The following FHIT variants were observed in gnomAD, a reference collection of about 807,000 sequenced individuals.
FHIT encodes the protein fragile histidine triad diadenosine triphosphatase.
FHIT carries 19 observed loss-of-function variants against 17.9 expected under a neutral mutation model. The ratio of observed to expected loss-of-function variants is 1.06; its 90% CI spans 0.74 to 1.56. The LOEUF (loss-of-function observed/expected upper bound fraction) is 1.56. Ranked by LOEUF, FHIT falls within the 40% of genes most tolerant of loss-of-function variation. The pLI is 0.00. For missense variants in FHIT, 248 were observed against 189.2 expected (o/e 1.31, Z -1.82); for synonymous variants, 81 against 69.7 (o/e 1.16, Z -0.81).
chr3:59,935,356 T>C (rs1464198201), intron 7 of FHIT, among the ~76,000 whole-genome samples: 1 of 151,984 alleles, frequency 6.6e-6, no homozygotes, highest in East Asian at 1.9e-4. Context: ...CCATGTGGAG[T>C]TCCTTTCTCT....
chr3:60,572,042 A>G (rs954688565), intron 4 of FHIT, among the ~76,000 whole-genome samples: 17 of 150,378 alleles, frequency 1.1e-4, no homozygotes, highest in African/African-American at 4.2e-4. Context: ...TTTGGGGGGG[A>G]AGATTTAACA....
intron 2 of FHIT, among the ~76,000 whole-genome samples, chr3:61,094,229 G>T (rs2035570945): frequency 1.3e-5 from 2 of 152,094 alleles, no homozygotes; most frequent in Admixed American, 6.6e-5. Flanking sequence ...TAATAACCAG[G>T]ATGCAGTAGA....
At chr3:61,244,223 C>CT (rs1437118890) in intron 1 of FHIT, 1 of 152,188 alleles carries the variant, frequency 6.6e-6, no homozygotes, top group Non-Finnish European at 1.5e-5. Context: ...CCTCCCCACT[C>CT]TTTCGGTTAT....
chr3:60,353,454 G>T (rs144197298), intron 5 of FHIT, among the ~76,000 whole-genome samples: 2 of 151,984 alleles, frequency 1.3e-5, no homozygotes, highest in East Asian at 3.9e-4. Context: ...CTTCCCTCAG[G>T]GCACACAGAA....
intron 4 of FHIT, among the ~76,000 whole-genome samples, chr3:60,699,738 G>C (rs189894991): frequency 6.8e-6 from 1 of 147,804 alleles, no homozygotes; most frequent in African/African-American, 2.5e-5. Context: ...AACACCATTA[G>C]GATTTAAGAT....
At chr3:59,807,250 C>A (rs1006905801) in intron 8 of FHIT, among the ~76,000 whole-genome samples, 3 of 152,112 alleles carry the variant, frequency 2.0e-5, no homozygotes, top group African/African-American at 7.2e-5. Context: ...CATCTGGAGC[C>A]CCAAATCCAA....
chr3:60,108,591 G>C (rs1218177730), intron 5 of FHIT, among the ~76,000 whole-genome samples: 3 of 151,964 alleles, frequency 2.0e-5, no homozygotes, highest in Non-Finnish European at 4.4e-5. Flanking sequence ...GGGACTCCTA[G>C]CTCGACAGAT....
chr3:59,940,667 T>C (rs953094444), intron 7 of FHIT, among the ~76,000 whole-genome samples: 40 of 152,312 alleles, frequency 2.6e-4, no homozygotes, highest in African/African-American at 8.9e-4. Flanking sequence ...CAACTTTCAT[T>C]TCCTGTGTGA....
chr3:59,750,803 C>G, intron 9 of FHIT: 1 of 210,182 alleles, frequency 4.8e-6, no homozygotes, highest in Non-Finnish European at 9.7e-6. Context: ...TAAAGACTTA[C>G]TTACATTTCA....
intron 1 of FHIT, among the ~76,000 whole-genome samples, chr3:61,233,861 A>C (rs961846536): frequency 1.3e-5 from 2 of 152,182 alleles, no homozygotes; most frequent in Non-Finnish European, 2.9e-5. Context: ...AAGGCCAAGA[A>C]CTGCAAGATA....
chr3:60,318,839 T>A (rs951027934), intron 5 of FHIT, among the ~76,000 whole-genome samples: 1 of 152,332 alleles, frequency 6.6e-6, no homozygotes, highest in African/African-American at 2.4e-5. Context: ...TGAGCTAAAG[T>A]CAAGTTGTTG....
intron 5 of FHIT, among the ~76,000 whole-genome samples, chr3:60,489,854 C>T (rs758989694): frequency 3.9e-5 from 6 of 152,066 alleles, no homozygotes; most frequent in Non-Finnish European, 8.8e-5. Context: ...ATGAAGAAAT[C>T]CTTCAAGTTT....
chr3:60,741,587 G>T (rs1377314155), intron 4 of FHIT, among the ~76,000 whole-genome samples: 1 of 152,170 alleles, frequency 6.6e-6, no homozygotes, highest in Non-Finnish European at 1.5e-5. Flanking sequence ...ATCTGCCCAG[G>T]CATATTGACT....
intron 7 of FHIT, among the ~76,000 whole-genome samples, chr3:59,931,777 T>C (rs1410441603): frequency 6.6e-6 from 1 of 152,162 alleles, no homozygotes. Flanking sequence ...CATACATCAC[T>C]GGTGGTGCTC....
At position 59,946,323 on chromosome 3, in the gene FHIT, G is replaced by A. The variant is rs141397007; in HGVS notation, c.280-23909C>T. ...GCATTCTTGATTTGGCTCTCACCTT[G>A]AATACTGTTGGTGTATAGAAAAAGC... is the stretch of plus-strand genomic sequence containing the variant. On this transcript the variant is annotated intron_variant, in intron 7 of 9. Coordinates refer to ENST00000492590, the MANE Select transcript of FHIT (RefSeq NM_002012.4). Among the ~76,000 whole-genome samples, 31 of 152,276 alleles carry A rather than the reference G, an allele frequency of 2.0e-4. No homozygotes were observed. The East Asian group carries it at 5.8e-3, about 28-fold the overall frequency.
At chr3:60,580,924 G>T (rs546879684) in intron 4 of FHIT, among the ~76,000 whole-genome samples, 8 of 152,146 alleles carry the variant, frequency 5.3e-5, no homozygotes, top group African/African-American at 1.9e-4. Flanking sequence ...TTAGAACAGG[G>T]CTGCTCAAAT....
At chr3:59,896,316 G>A (rs545927778) in intron 8 of FHIT, among the ~76,000 whole-genome samples, 11 of 152,278 alleles carry the variant, frequency 7.2e-5, no homozygotes, top group Admixed American at 2.6e-4. Flanking sequence ...TCATATACAT[G>A]AACTAGTCAG....
chr3:60,168,178 A>G (rs1403178723), intron 5 of FHIT, among the ~76,000 whole-genome samples: 1 of 152,200 alleles, frequency 6.6e-6, no homozygotes, highest in East Asian at 1.9e-4. Flanking sequence ...GCCTGGCAAT[A>G]AACACTTGAA....
intron 5 of FHIT, among the ~76,000 whole-genome samples, chr3:60,468,617 CTGTTTA>C (rs1248476858): frequency 1.3e-5 from 2 of 152,020 alleles, no homozygotes; most frequent in South Asian, 2.1e-4. Flanking sequence ...TTTGTTGTTT[CTGTTTA>C]TATCATACTA....
Sources: gnomAD v4.1 joint callset for allele counts (sites outside exome capture counted in the v4.1 genomes callset) on GRCh38, gnomAD v4.1.1 for gene constraint, MANE v1.5 for transcripts, NCBI Gene and HGNC (gene_info 2026-07-23, HGNC 2026-07-21) for gene names.